Variants in PRKCE observed in about 807,000 individuals in gnomAD.
PRKCE encodes protein kinase C epsilon type.
A neutral mutation model predicts 85.4 loss-of-function variants in PRKCE; 16 were observed. The observed-to-expected ratio is 0.19, with a 90% confidence interval of 0.13 to 0.28. The LOEUF is 0.28. PRKCE is among the 10% of genes least tolerant of loss of function. The probability of loss-of-function intolerance (pLI) is 1.00; values close to 1 mark genes in which losing one functional copy is unlikely to be tolerated. For synonymous variants in PRKCE, 388 were observed against 371.5 expected (o/e 1.04, Z -0.51); for missense variants, 573 against 975.2 (o/e 0.59, Z 5.49).
At chr2:45,981,457 T>C (rs1348382249) in intron 5 of PRKCE, among the ~76,000 whole-genome samples, 1 of 152,220 alleles carries the variant, frequency 6.6e-6, no homozygotes, top group South Asian at 2.1e-4. Context: ...TCTAAGGCAT[T>C]TCCCATCTTC....
rs187889516 is a variant in PRKCE, at chr2:45,786,187, T to C, written c.349-56813T>C. ...TTGATTGCAGTCTGCCAGTGACTTA[T>C]TTATCCCCCGTGCTGCTTCTTGCTC... On this transcript the variant is annotated intron_variant, in intron 1 of 14. Coordinates refer to ENST00000306156, the MANE Select transcript of PRKCE (RefSeq NM_005400.3). The surrounding 1 kb of genome is among the most constrained non-coding windows in gnomAD (Gnocchi z 5.3). Among the ~76,000 whole-genome samples the C allele has an allele frequency of 1.3e-5, 2 of 152,308 alleles. No individual in the cohort carries two copies. Among genetic ancestry groups the C allele is most frequent in the African/African-American group, 2.4e-5 (1 of 41,566 alleles).
chr2:46,036,413 A>C (rs1158922709), intron 10 of PRKCE, among the ~76,000 whole-genome samples: 1 of 151,990 alleles, frequency 6.6e-6, no homozygotes, highest in Admixed American at 6.5e-5. Context: ...CCCTATTTCC[A>C]CACACACACA....
intron 1 of PRKCE, among the ~76,000 whole-genome samples, chr2:45,710,940 A>G (rs559558369): frequency 2.0e-5 from 3 of 152,300 alleles, no homozygotes; most frequent in Non-Finnish European, 4.4e-5. Context: ...CTCGCTTAAC[A>G]TGGGGTGGGA....
At chr2:45,799,059 A>G (rs1051897817) in intron 1 of PRKCE, among the ~76,000 whole-genome samples, 2 of 151,984 alleles carry the variant, frequency 1.3e-5, no homozygotes, top group Admixed American at 6.6e-5. Flanking sequence ...CCAGCTACTC[A>G]GGAGGCTGAG....
intron 2 of PRKCE, among the ~76,000 whole-genome samples, chr2:45,864,341 T>C (rs1419214763): frequency 6.6e-6 from 1 of 152,226 alleles, no homozygotes; most frequent in Non-Finnish European, 1.5e-5. Flanking sequence ...TCAGAAAGCC[T>C]AACAATAACT....
chr2:45,975,997 C>G (rs1702426096), intron 2 of PRKCE, among the ~76,000 whole-genome samples: 1 of 152,176 alleles, frequency 6.6e-6, no homozygotes, highest in South Asian at 2.1e-4. Context: ...GCTGGCACTG[C>G]CATTGCCATT....
chr2:45,700,855 G>A (rs886854801), intron 1 of PRKCE, among the ~76,000 whole-genome samples: 1 of 152,148 alleles, frequency 6.6e-6, no homozygotes, highest in East Asian at 1.9e-4. Flanking sequence ...GCAGGGAGAG[G>A]GCGGCCCCGT....
intron 11 of PRKCE, among the ~76,000 whole-genome samples, chr2:46,130,882 G>A (rs1046340446): frequency 1.3e-5 from 2 of 152,212 alleles, no homozygotes; most frequent in Non-Finnish European, 2.9e-5. Flanking sequence ...TACTTCGTGT[G>A]CGCACCCTTG....
chr2:45,701,247 T>C (rs1235882703), intron 1 of PRKCE: 1 of 152,210 alleles, frequency 6.6e-6, no homozygotes, highest in East Asian at 1.9e-4. Context: ...CATTTTATTT[T>C]TCTATGTGTG....
Position 45,652,426 on chromosome 2 carries a change from G to C in PRKCE, c.326G>C (p.Gly109Ala). 6.2e-7 allele frequency: 1 copy of C among 1,606,400 alleles called. No individual in the cohort carries two copies. The highest frequency in any genetic ancestry group is 8.5e-7 in the Non-Finnish European group (1 of 1,178,538). Reference sequence around the variant, plus strand: ...CAGTTTGAGGAGCTGCTGCAGAACGGGAGCCGCCACTTCGAGGACTGGGTG... The same window carrying C: ...CAGTTTGAGGAGCTGCTGCAGAACGCGAGCCGCCACTTCGAGGACTGGGTG... The part of the protein sequence containing the change: ...TIQFEELLQN[G>A]SRHFEDWIDL... Residue 109 changes from glycine to alanine, a missense_variant, in exon 1 of 15, where the codon GGG becomes GCG. By Grantham distance (60) the Gly-to-Ala change is moderately conservative. Coordinates refer to ENST00000306156, the MANE Select transcript of PRKCE (RefSeq NM_005400.3). This position sits in a 1 kb window ranked among gnomAD's most constrained non-coding sequence, Gnocchi z 7.7.
intron 6 of PRKCE, among the ~76,000 whole-genome samples, chr2:45,997,775 G>C (rs1359732680): frequency 6.6e-6 from 1 of 152,156 alleles, no homozygotes; most frequent in Non-Finnish European, 1.5e-5. Flanking sequence ...TCAAACTCCT[G>C]ACCTCAAGTG....
At chr2:45,872,014 T>C (rs1288138983) in intron 2 of PRKCE, among the ~76,000 whole-genome samples, 2 of 152,236 alleles carry the variant, frequency 1.3e-5, no homozygotes, top group African/African-American at 4.8e-5. Context: ...ACTGGGGAGA[T>C]AATGTGAACA....
At chr2:45,958,587 C>A (rs1447942615) in intron 2 of PRKCE, among the ~76,000 whole-genome samples, 1 of 149,862 alleles carries the variant, frequency 6.7e-6, no homozygotes, top group Non-Finnish European at 1.5e-5. Context: ...TGCCAGGGAG[C>A]ACCCCCTTGA....
chr2:46,159,785 G>T lies in PRKCE; in HGVS notation c.2067+33G>T. ...GGTCCCCGTGCACGTTCAGCACCAT[G>T]GGTCGGGCCCAGGTACTTGCAGGAC... On this transcript the variant is annotated intron_variant, in intron 14 of 14. Coordinates refer to ENST00000306156, the MANE Select transcript of PRKCE (RefSeq NM_005400.3). This position sits in a 1 kb window ranked among gnomAD's most constrained non-coding sequence, Gnocchi z 4.1. 1 of 1,597,024 alleles carries T rather than the reference G, an allele frequency of 6.3e-7. No individual in the cohort carries two copies. The highest frequency in any genetic ancestry group is 1.1e-5 in the South Asian group (1 of 90,378).
chr2:46,031,071 T>C (rs1457606904), intron 10 of PRKCE, among the ~76,000 whole-genome samples: 1 of 152,200 alleles, frequency 6.6e-6, no homozygotes, highest in African/African-American at 2.4e-5. Context: ...AAATACTACT[T>C]TGGATAGTAA....
chr2:46,055,168 G>A (rs1351463559), intron 10 of PRKCE, among the ~76,000 whole-genome samples: 1 of 152,234 alleles, frequency 6.6e-6, no homozygotes, highest in African/African-American at 2.4e-5. Flanking sequence ...ACCATGGATG[G>A]CAAAACTAAA....
Position 46,148,630 on chromosome 2 carries a change from A to G in PRKCE, c.1732-2411A>G, listed in dbSNP as rs922079689. The stretch of plus-strand genomic sequence containing the variant: ...TGGCCATGCATGCTAGCCAGTCACA[A>G]GATGTTGACTGTCTCCTGGATGATA... On this transcript the variant is annotated intron_variant, in intron 12 of 14. Transcript: ENST00000306156. 6.6e-5 allele frequency among the ~76,000 whole-genome samples: 10 copies of G among 152,344 alleles called. No individual in the cohort carries two copies. In the East Asian group the frequency reaches 1.9e-3, roughly 29 times the overall value.
At chr2:45,833,138 CA>C (rs35838849) in intron 1 of PRKCE, among the ~76,000 whole-genome samples, 66,212 of 119,936 alleles carry the variant, frequency 0.55, 15,961 homozygotes, top group Middle Eastern at 0.67. Context: ...GGCAACATGG[CA>C]AAAAAAAAAA....
At chr2:45,979,144 C>T (rs929146254) in intron 4 of PRKCE, 134 bp downstream of exon 4, 3 of 860,510 alleles carry the variant, frequency 3.5e-6, no homozygotes, top group African/African-American at 3.4e-5. Context: ...TTTGTTCCCA[C>T]TTGACCATTA....
Sources: gnomAD v4.1 joint callset for allele counts (sites outside exome capture counted in the v4.1 genomes callset) on GRCh38, gnomAD v4.1.1 for gene constraint, Gnocchi (gnomAD v3.1) non-coding constraint, MANE v1.5 for transcripts, NCBI Gene and HGNC (gene_info 2026-07-23, HGNC 2026-07-21) for gene names.